Variants in ITFG1 observed in about 807,000 individuals in gnomAD.
ITFG1 encodes the protein integrin alpha FG-GAP repeat containing 1.
ITFG1 carries 34 observed loss-of-function variants against 81.8 expected under a neutral mutation model. The ratio of observed to expected loss-of-function variants is 0.42; its 90% CI spans 0.32 to 0.55. The LOEUF (loss-of-function observed/expected upper bound fraction) is 0.55. ITFG1 is among the 20% of genes least tolerant of loss of function. ITFG1 has a pLI of 0.17. For synonymous variants in ITFG1, 285 were observed against 270.6 expected, an observed-to-expected ratio of 1.05 and a Z score of -0.52; for missense variants, 672 against 755.4, an observed-to-expected ratio of 0.89 and a Z score of 1.29.
At chr16:47,283,006 A>AAATATTTTC (rs1172961782) in intron 10 of ITFG1, among the ~76,000 whole-genome samples, 8 of 152,054 alleles carry the variant, frequency 5.3e-5, no homozygotes, top group Admixed American at 2.0e-4. Flanking sequence ...TTCAGTTTGC[A>AAATATTTTC]AATATTTTCT....
intron 5 of ITFG1, among the ~76,000 whole-genome samples, chr16:47,443,979 G>C (rs1476647578): frequency 2.6e-5 from 4 of 152,072 alleles, no homozygotes; most frequent in Non-Finnish European, 4.4e-5. Flanking sequence ...TCAATTTACA[G>C]AAAATATCTG....
intron 1 of ITFG1, among the ~76,000 whole-genome samples, chr16:47,460,263 T>G (rs1969512212): frequency 6.6e-6 from 1 of 152,136 alleles, no homozygotes; most frequent in African/African-American, 2.4e-5. Flanking sequence ...GCAAAATGCT[T>G]GTGTGAGCTG....
intron 14 of ITFG1, among the ~76,000 whole-genome samples, chr16:47,163,827 C>T (rs571416299): frequency 6.6e-6 from 1 of 151,880 alleles, no homozygotes; most frequent in Non-Finnish European, 1.5e-5. Context: ...GAAGTGGTAT[C>T]TCATTATGGT....
At chr16:47,454,402 A>G (rs1301050576) in intron 2 of ITFG1, among the ~76,000 whole-genome samples, 1 of 152,164 alleles carries the variant, frequency 6.6e-6, no homozygotes, top group Non-Finnish European at 1.5e-5. Context: ...TCGAGAGAAA[A>G]CGTGTTTATT....
At chr16:47,165,268 G>A (rs558888010) in intron 14 of ITFG1, among the ~76,000 whole-genome samples, 1 of 152,184 alleles carries the variant, frequency 6.6e-6, no homozygotes, top group Non-Finnish European at 1.5e-5. Flanking sequence ...CATCACTAAT[G>A]TTATCCAAAA....
intron 2 of ITFG1, among the ~76,000 whole-genome samples, chr16:47,456,980 G>C (rs990411037): frequency 1.3e-5 from 2 of 152,130 alleles, no homozygotes; most frequent in African/African-American, 4.8e-5. Flanking sequence ...TATGTACATA[G>C]AAAACTATGC....
intron 7 of ITFG1, among the ~76,000 whole-genome samples, chr16:47,372,700 G>A (rs1596939097): frequency 6.6e-6 from 1 of 152,212 alleles, no homozygotes. Context: ...TGATCTGCCT[G>A]CCTCAGCCTC....
intron 6 of ITFG1, among the ~76,000 whole-genome samples, chr16:47,421,624 T>C (rs1968951007): frequency 6.6e-6 from 1 of 152,164 alleles, no homozygotes; most frequent in Admixed American, 6.5e-5. Flanking sequence ...TATTTTTAAG[T>C]GGAAAATTTA....
intron 10 of ITFG1, among the ~76,000 whole-genome samples, chr16:47,272,022 C>T (rs1186657197): frequency 6.6e-6 from 1 of 152,156 alleles, no homozygotes; most frequent in Non-Finnish European, 1.5e-5. Flanking sequence ...ATATGTCCAT[C>T]AACTGAAGGA....
At chr16:47,226,772 TA>T (rs1965763514) in intron 13 of ITFG1, among the ~76,000 whole-genome samples, 2 of 152,084 alleles carry the variant, frequency 1.3e-5, no homozygotes, top group Non-Finnish European at 1.5e-5. Context: ...TAAAAGGAGA[TA>T]AGGGAATATG....
chr16:47,382,949 G>GT (rs1261639402), intron 6 of ITFG1, among the ~76,000 whole-genome samples: 2 of 152,152 alleles, frequency 1.3e-5, no homozygotes, highest in African/African-American at 4.8e-5. Context: ...GACAATTGTG[G>GT]TAAGTTAATG....
rs755579201 is a variant in ITFG1 at position 47,460,881 on chromosome 16, G to C, written c.165C>G (p.Asp55Glu). ...EAWGTLAAFGDLNSDKQTDLF... is the reference protein window; with the variant it reads ...EAWGTLAAFGELNSDKQTDLF... The stretch of plus-strand genomic sequence containing the variant: ...GATCCGTCTGCTTGTCGGAGTTGAG[G>C]TCCCCGAAAGCCGCAAGGGTGCCCC... Residue 55 changes from aspartate to glutamate, a missense_variant, in exon 1 of 18, where the codon GAC becomes GAG. Physicochemically the swap from Asp to Glu is conservative, Grantham distance 45. This residue lies in a region of ITFG1 where 560 missense variants were observed against 625.7 expected (regional missense o/e 0.90). Transcript: ENST00000320640. 1 of 1,613,706 alleles carries C rather than the reference G, an allele frequency of 6.2e-7. No individual in the cohort carries two copies. The highest frequency in any genetic ancestry group is 8.5e-7 in the Non-Finnish European group (1 of 1,180,006).
chr16:47,328,113 C>T (rs879220717), intron 8 of ITFG1, among the ~76,000 whole-genome samples: 3 of 152,128 alleles, frequency 2.0e-5, no homozygotes, highest in Non-Finnish European at 4.4e-5. Context: ...AAATGTGGCA[C>T]ATATACACCA....
chr16:47,362,054 T>C (rs771855982), intron 8 of ITFG1, among the ~76,000 whole-genome samples: 1 of 152,204 alleles, frequency 6.6e-6, no homozygotes, highest in South Asian at 2.1e-4. Flanking sequence ...CAGCTCCCTC[T>C]CCTGATTTAC....
intron 5 of ITFG1, among the ~76,000 whole-genome samples, chr16:47,435,901 T>C (rs1340841139): frequency 6.6e-6 from 1 of 152,132 alleles, no homozygotes; most frequent in Non-Finnish European, 1.5e-5. Context: ...TTGAATCTAT[T>C]ATAATTATTA....
chr16:47,369,543 A>G (rs1304702731), intron 7 of ITFG1, among the ~76,000 whole-genome samples: 1 of 152,142 alleles, frequency 6.6e-6, no homozygotes, highest in Non-Finnish European at 1.5e-5. Flanking sequence ...ACAGGATGCC[A>G]TTTGCTACTC....
intron 6 of ITFG1, among the ~76,000 whole-genome samples, chr16:47,390,028 T>C (rs183833868): frequency 3.5e-4 from 54 of 152,364 alleles, no homozygotes; most frequent in Middle Eastern, 3.4e-3. Flanking sequence ...GCAAAGATTT[T>C]AGTTTGGGTA....
chr16:47,404,721 T>C (rs1367550384), intron 6 of ITFG1, among the ~76,000 whole-genome samples: 1 of 152,204 alleles, frequency 6.6e-6, no homozygotes, highest in East Asian at 1.9e-4. Flanking sequence ...GAAATTTTTT[T>C]TTGCTCAGCA....
In ITFG1 at chr16:47,289,423, A is replaced by G. The variant is rs145358819; in HGVS notation, c.1070+21817T>C. ...ATTTTCTGAAATACCTTAAGAATTGATATTAGTTCTTTATTTAATGTTTTA... is the reference window on the plus strand; with the variant it reads ...ATTTTCTGAAATACCTTAAGAATTGGTATTAGTTCTTTATTTAATGTTTTA... On this transcript the variant is annotated intron_variant, in intron 10 of 17. Transcript: ENST00000320640. Among the ~76,000 whole-genome samples the G allele has an allele frequency of 3.5e-3, 540 of 152,268 alleles. 2 individuals are homozygous for G. Among genetic ancestry groups the G allele is most frequent in the African/African-American group, 0.012 (506 of 41,570 alleles).
Sources: allele counts gnomAD v4.1 joint callset (sites outside exome capture counted in the v4.1 genomes callset), GRCh38; gene constraint gnomAD v4.1.1; regional missense constraint gnomAD v4.1.1; transcripts MANE v1.5; gene names NCBI Gene and HGNC (gene_info 2026-07-23, HGNC 2026-07-21).